MALRD1: variants seen among roughly 807,000 people sequenced by gnomAD.
The protein encoded by MALRD1 is MAM and LDL-receptor class A domain-containing protein 1.
In MALRD1, 247 loss-of-function variants were observed where a neutral mutation model predicts 242.1. That is an observed-to-expected ratio of 1.02 (90% CI 0.92 to 1.13). The LOEUF (loss-of-function observed/expected upper bound fraction) is 1.13, where lower values mean the gene tolerates loss of function less well. Among genes scored for constraint, MALRD1 ranks in the 50% most tolerant of loss-of-function variants. The probability of loss-of-function intolerance (pLI) is 0.00; values close to 1 mark genes in which losing one functional copy is unlikely to be tolerated. For missense variants in MALRD1, 2,989 were observed against 2,533.1 expected (o/e 1.18, Z -3.86); for synonymous variants, 995 against 866.6 (o/e 1.15, Z -2.60).
At chr10:19,586,101 A>G (rs927495714) in intron 33 of MALRD1, among the ~76,000 whole-genome samples, 6 of 151,850 alleles carry the variant, frequency 4.0e-5, no homozygotes, top group African/African-American at 9.7e-5. Flanking sequence ...ACTTCTCTGT[A>G]TTGGTTATTC....
intron 1 of MALRD1, among the ~76,000 whole-genome samples, chr10:19,060,877 A>G (rs1834803373): frequency 6.6e-6 from 1 of 152,214 alleles, no homozygotes; most frequent in South Asian, 2.1e-4. Context: ...AAGACATGGA[A>G]TCAGCCTAAA....
At position 19,242,489 on chromosome 10, in the gene MALRD1, G is replaced by A. The variant is rs572974894; in HGVS notation, c.2992-15195G>A. Among the ~76,000 whole-genome samples, 7 of 152,164 alleles carry A rather than the reference G, an allele frequency of 4.6e-5. No homozygotes were observed. The East Asian group carries it at 1.4e-3, about 29-fold the overall frequency. On this transcript the variant is annotated intron_variant, in intron 18 of 39. Coordinates refer to ENST00000454679, the MANE Select transcript of MALRD1 (RefSeq NM_001142308.3). Reference sequence around the variant, plus strand: ...CATTTTTTGGTTGATTTTCTCTTCAGATAATCTGTCCATTTTTAAAGTGGA... The same window carrying A: ...CATTTTTTGGTTGATTTTCTCTTCAAATAATCTGTCCATTTTTAAAGTGGA...
At chr10:19,207,702 A>G (rs1836847333) in intron 17 of MALRD1, among the ~76,000 whole-genome samples, 1 of 152,036 alleles carries the variant, frequency 6.6e-6, no homozygotes, top group African/African-American at 2.4e-5. Flanking sequence ...GGGTTTCAGC[A>G]TGTTGGTTGG....
At chr10:19,367,514 G>C (rs1478016332) in intron 26 of MALRD1, among the ~76,000 whole-genome samples, 1 of 152,018 alleles carries the variant, frequency 6.6e-6, no homozygotes, top group Non-Finnish European at 1.5e-5. Flanking sequence ...CCATTCACTT[G>C]TTATTGGACA....
At chr10:19,632,532 A>G (rs2131652263) in intron 36 of MALRD1, among the ~76,000 whole-genome samples, 1 of 152,276 alleles carries the variant, frequency 6.6e-6, no homozygotes, top group East Asian at 1.9e-4. Context: ...TTCTAGAAAT[A>G]AAAATCTGGC....
At chr10:19,230,761 C>T (rs10508581) in intron 18 of MALRD1, among the ~76,000 whole-genome samples, 43,316 of 152,042 alleles carry the variant, frequency 0.28, 6,650 homozygotes, top group African/African-American at 0.4. Flanking sequence ...TAGTAATTAT[C>T]GTTCTCTAAA....
In MALRD1 at chr10:19,377,540, C is replaced by G. The variant is rs1845661157; in HGVS notation, c.4442-9988C>G. Among the ~76,000 whole-genome samples, 3 of 151,912 alleles carry G rather than the reference C, an allele frequency of 2.0e-5. No homozygotes were observed. The South Asian group carries it at 6.2e-4, about 31-fold the overall frequency. ...TCATCTGTAAAATGAGGTTATTAAA[C>G]AGAACTACTTCATAAGATTGTTGTG... On this transcript the variant is annotated intron_variant, in intron 26 of 39. Coordinates refer to ENST00000454679, the MANE Select transcript of MALRD1 (RefSeq NM_001142308.3).
Position 19,280,154 on chromosome 10 carries a change from T to G in MALRD1, c.3187T>G (p.Cys1063Gly), listed in dbSNP as rs1341457959. ...NEFICRSDGH[C>G]IEKMQKCDFK... Reference sequence around the variant, plus strand: ...ATTTATCTGCAGGTCTGATGGTCACTGCATTGAAAAAATGCAGAAATGTGA... The same window carrying G: ...ATTTATCTGCAGGTCTGATGGTCACGGCATTGAAAAAATGCAGAAATGTGA... The change falls in exon 20 of 40, where the codon TGC (cysteine) becomes GGC (glycine). Residue 1063 changes from cysteine to glycine, a missense_variant. Physicochemically the swap from Cys to Gly is radical, Grantham distance 159. Transcript: ENST00000454679. 4 of 1,545,000 alleles carry G rather than the reference T, an allele frequency of 2.6e-6. No individual in the cohort carries two copies. The highest frequency in any genetic ancestry group is 2.4e-5 in the South Asian group (2 of 82,948).
intron 38 of MALRD1, among the ~76,000 whole-genome samples, chr10:19,713,433 A>G (rs1017845112): frequency 6.6e-6 from 1 of 152,202 alleles, no homozygotes; most frequent in Non-Finnish European, 1.5e-5. Context: ...CAAGTTGGAA[A>G]ATAAAAGACT....
chr10:19,348,082 T>A lies in MALRD1; in HGVS notation c.4149+64T>A, dbSNP rs1844211496. ...GAATTATTGTGAGCAAGTTTATAAA[T>A]TGACATACGGAAAACAGAGTGGCTG... is the stretch of plus-strand genomic sequence containing the variant. On this transcript the variant is annotated intron_variant, in intron 25 of 39. Transcript: ENST00000454679. 6.7e-6 allele frequency: 10 copies of A among 1,494,636 alleles called. No individual in the cohort carries two copies. In the South Asian group the frequency reaches 1.2e-4, roughly 18 times the overall value. The allele number at this position is 1,494,636 out of a possible 1,614,324, so 92.6% of individuals were successfully genotyped here. A position where few individuals can be genotyped will look rare whatever the true frequency, so the allele number is the denominator to read the frequency against.
chr10:19,324,900 G>GT (rs371363463), intron 22 of MALRD1, among the ~76,000 whole-genome samples: 1,680 of 130,484 alleles, frequency 0.013, 11 homozygotes, highest in African/African-American at 0.024. Context: ...CATTACTTTT[G>GT]TTTTTTTTTG....
At chr10:19,506,578 G>A (rs1833154047) in intron 31 of MALRD1, among the ~76,000 whole-genome samples, 1 of 151,814 alleles carries the variant, frequency 6.6e-6, no homozygotes, top group Non-Finnish European at 1.5e-5. Context: ...TAAAAATATT[G>A]TTGAGATATA....
intron 4 of MALRD1, among the ~76,000 whole-genome samples, chr10:19,101,989 A>G (rs1588545485): frequency 7.8e-6 from 1 of 128,710 alleles, no homozygotes; most frequent in Non-Finnish European, 1.6e-5. Context: ...ATGTTATAAT[A>G]TAATTATAAC....
At chr10:19,086,769 G>GGTCA (rs1290138374) in intron 2 of MALRD1, among the ~76,000 whole-genome samples, 8 of 152,082 alleles carry the variant, frequency 5.3e-5, no homozygotes, top group Non-Finnish European at 8.8e-5. Context: ...GGCCGAGTTA[G>GGTCA]GTCAAGAGCC....
chr10:19,545,475 AT>A (rs1014862778), intron 32 of MALRD1, among the ~76,000 whole-genome samples: 3 of 152,070 alleles, frequency 2.0e-5, no homozygotes, highest in Non-Finnish European at 4.4e-5. Flanking sequence ...GTTGAAAATT[AT>A]TTTTCCTTAC....
At chr10:19,169,013 A>G (rs1023982921) in intron 13 of MALRD1, among the ~76,000 whole-genome samples, 12 of 152,334 alleles carry the variant, frequency 7.9e-5, no homozygotes, top group South Asian at 4.1e-4. Flanking sequence ...GAAGGCCAAG[A>G]CAGCCCTATA....
intron 21 of MALRD1, among the ~76,000 whole-genome samples, chr10:19,305,868 T>C (rs1367495758): frequency 2.3e-5 from 3 of 131,946 alleles, no homozygotes; most frequent in African/African-American, 8.7e-5. Flanking sequence ...CTATACTATA[T>C]ATTATATAAT....
intron 11 of MALRD1, among the ~76,000 whole-genome samples, chr10:19,151,112 A>G (rs1408903788): frequency 6.6e-6 from 1 of 152,184 alleles, no homozygotes; most frequent in Non-Finnish European, 1.5e-5. Flanking sequence ...AATTCTCTAT[A>G]AAAATTTCCA....
chr10:19,664,896 AAAT>A (rs1391667824), intron 36 of MALRD1, among the ~76,000 whole-genome samples: 1 of 152,132 alleles, frequency 6.6e-6, no homozygotes, highest in Non-Finnish European at 1.5e-5. Context: ...TATTATCGTC[AAAT>A]AATATTAATC....
Sources: gnomAD v4.1 joint callset for allele counts (sites outside exome capture counted in the v4.1 genomes callset) on GRCh38, gnomAD v4.1.1 for gene constraint, MANE v1.5 for transcripts, NCBI Gene and HGNC (gene_info 2026-07-23, HGNC 2026-07-21) for gene names.